The following DSCAML1 variants were observed in gnomAD, a reference collection of about 807,000 sequenced individuals.
The protein encoded by DSCAML1 is cell adhesion molecule DSCAML1.
Under a neutral mutation model 200.5 loss-of-function variants are expected in DSCAML1, and 38 were observed. The ratio of observed to expected loss-of-function variants is 0.19; its 90% CI spans 0.15 to 0.25. DSCAML1 has a LOEUF of 0.25. Among genes scored for constraint, DSCAML1 ranks in the 10% least tolerant of loss-of-function variants. The pLI is 1.00. For missense variants in DSCAML1, 2,223 were observed against 2,858.8 expected, an observed-to-expected ratio of 0.78 and a Z score of 5.07; for synonymous variants, 1,215 against 1,165.0, an observed-to-expected ratio of 1.04 and a Z score of -0.87.
chr11:117,782,417 C>CACT (rs944170889), intron 1 of DSCAML1, among the ~76,000 whole-genome samples: 1 of 152,196 alleles, frequency 6.6e-6, no homozygotes, highest in African/African-American at 2.4e-5. Context: ...CCAGGCACTG[C>CACT]ACTCATAGCA....
intron 11 of DSCAML1, among the ~76,000 whole-genome samples, chr11:117,486,193 C>G (rs11501117): frequency 0.12 from 18,010 of 152,136 alleles, 1,199 homozygotes; most frequent in South Asian, 0.19. Flanking sequence ...ATTAGCTAAA[C>G]TGGGTCTGCT....
intron 1 of DSCAML1, among the ~76,000 whole-genome samples, chr11:117,789,001 T>C (rs1370424765): frequency 6.6e-6 from 1 of 152,140 alleles, no homozygotes; most frequent in Non-Finnish European, 1.5e-5. Context: ...CTCCCCCAAC[T>C]AAACGCCAGC....
intron 17 of DSCAML1, among the ~76,000 whole-genome samples, chr11:117,462,387 G>A (rs893836034): frequency 3.3e-5 from 5 of 152,124 alleles, no homozygotes; most frequent in East Asian, 1.9e-4. Context: ...ACAGGCCTCC[G>A]AAACCCCACG....
At chr11:117,631,600 G>A (rs2052175317) in intron 3 of DSCAML1, among the ~76,000 whole-genome samples, 1 of 152,238 alleles carries the variant, frequency 6.6e-6, no homozygotes, top group Admixed American at 6.5e-5. Context: ...CCCAAAGGGA[G>A]AGAACAACAG....
intron 3 of DSCAML1, among the ~76,000 whole-genome samples, chr11:117,605,454 C>G (rs987832088): frequency 6.6e-6 from 1 of 152,216 alleles, no homozygotes; most frequent in African/African-American, 2.4e-5. Context: ...AAACCCAGCA[C>G]AGCCCAGAAT....
At chr11:117,656,605 T>C (rs1010777333) in intron 3 of DSCAML1, among the ~76,000 whole-genome samples, 3 of 152,280 alleles carry the variant, frequency 2.0e-5, no homozygotes, top group African/African-American at 7.2e-5. Flanking sequence ...TAGACATTAC[T>C]ACAATTTTCT....
chr11:117,714,583 G>A (rs1306965571), intron 3 of DSCAML1, among the ~76,000 whole-genome samples: 5 of 152,120 alleles, frequency 3.3e-5, no homozygotes, highest in African/African-American at 4.8e-5. Context: ...TTGGGAGGCC[G>A]AGGCAGGTGA....
chr11:117,579,294 G>A (rs907858681), intron 3 of DSCAML1, among the ~76,000 whole-genome samples: 4 of 152,144 alleles, frequency 2.6e-5, no homozygotes, highest in African/African-American at 9.7e-5. Flanking sequence ...AACTCTTTAC[G>A]GTGACCTAGA....
rs768272983 is a variant in DSCAML1 at position 117,450,567 on chromosome 11, G to T, written c.3690C>A (p.Ser1230Arg). 5.6e-6 allele frequency: 9 copies of T among 1,614,162 alleles called. No individual in the cohort carries two copies. The East Asian group carries it at 1.6e-4, about 28-fold the overall frequency. ...VIRKYTIFCS[S>R]PGSGQPAPSE... ...CACTTACCGGCTGGCCAGACCCGGGGCTGGAACAGAAGATGGTGTACTTGC... is the reference window on the plus strand; with the variant it reads ...CACTTACCGGCTGGCCAGACCCGGGTCTGGAACAGAAGATGGTGTACTTGC... The change falls in exon 20 of 33, where the codon AGC becomes AGA. Residue 1230 changes from serine (S) to arginine (R), a missense_variant. By Grantham distance (110) the Ser-to-Arg change is moderately radical. This residue lies in a region of DSCAML1 where 614 missense variants were observed against 739.1 expected (regional missense o/e 0.83). Transcript: ENST00000651296.
At chr11:117,682,698 T>C (rs2053332256) in intron 3 of DSCAML1, among the ~76,000 whole-genome samples, 1 of 80,322 alleles carries the variant, frequency 1.2e-5, no homozygotes, top group African/African-American at 8.3e-5. Context: ...AGGTGAAACT[T>C]ACCCCTCGCT....
chr11:117,745,347 A>G (rs1384963557), intron 3 of DSCAML1, among the ~76,000 whole-genome samples: 2 of 152,198 alleles, frequency 1.3e-5, no homozygotes, highest in African/African-American at 4.8e-5. Flanking sequence ...CCTGACTGCA[A>G]AACAAAAACA....
chr11:117,721,735 AAT>A (rs2054044779), intron 3 of DSCAML1, among the ~76,000 whole-genome samples: 1 of 147,632 alleles, frequency 6.8e-6, no homozygotes, highest in Non-Finnish European at 1.5e-5. Flanking sequence ...ATCATATATA[AAT>A]ATATATCATA....
chr11:117,648,740 TCTC>T (rs2052570751), intron 3 of DSCAML1, among the ~76,000 whole-genome samples: 1 of 152,108 alleles, frequency 6.6e-6, no homozygotes, highest in African/African-American at 2.4e-5. Context: ...AAATGTTTAT[TCTC>T]CTCTCCAGCA....
chr11:117,472,079 C>G (rs1316276084), intron 14 of DSCAML1, 43 bp from the exon 15 acceptor site: 19 of 1,606,234 alleles, frequency 1.2e-5, no homozygotes, highest in Non-Finnish European at 1.5e-5. Flanking sequence ...CAGGCAAACT[C>G]CAGGACCCCT....
rs566516964 is a variant in DSCAML1, at chr11:117,648,863, A to G, written c.512-116341T>C. On this transcript the variant is annotated intron_variant, in intron 3 of 32. Transcript: ENST00000651296. ...GCCAAATGCTTAGTGCTTCCTGGGA[A>G]GGCAAGTGCCTGCCACAGAGAATCA... is the stretch of plus-strand genomic sequence containing the variant. Among the ~76,000 whole-genome samples, 18 of 152,300 alleles carry G rather than the reference A, an allele frequency of 1.2e-4. No individual in the cohort carries two copies. The East Asian group carries it at 3.3e-3, about 28-fold the overall frequency.
chr11:117,805,818 A>G (rs1472349102), intron 1 of DSCAML1, among the ~76,000 whole-genome samples: 1 of 152,206 alleles, frequency 6.6e-6, no homozygotes, highest in Admixed American at 6.5e-5. Context: ...CTTGCATTCC[A>G]GTGGAGTAGA....
chr11:117,433,407 G>A (rs2047844335), intron 28 of DSCAML1, 34 bp downstream of exon 28: 3 of 1,612,538 alleles, frequency 1.9e-6, no homozygotes, highest in Non-Finnish European at 2.5e-6. Context: ...GAGGGGAGAA[G>A]GGAGGAGAAA....
intron 3 of DSCAML1, among the ~76,000 whole-genome samples, chr11:117,763,378 G>A (rs1445447381): frequency 6.6e-6 from 1 of 151,788 alleles, no homozygotes; most frequent in Non-Finnish European, 1.5e-5. Context: ...GGGAGGCTGT[G>A]TCAGTGAACT....
intron 3 of DSCAML1, 126 bp downstream of exon 3, chr11:117,776,665 C>G: frequency 8.9e-7 from 1 of 1,125,196 alleles, no homozygotes. Context: ...AGAACAATAA[C>G]AAGTCACTCC....
Sources: gnomAD v4.1 joint callset for allele counts (sites outside exome capture counted in the v4.1 genomes callset) on GRCh38, gnomAD v4.1.1 for gene constraint, gnomAD v4.1.1 regional missense constraint, MANE v1.5 for transcripts, NCBI Gene and HGNC (gene_info 2026-07-23, HGNC 2026-07-21) for gene names.